The following CSMD1 variants were observed in gnomAD, a reference collection of about 807,000 sequenced individuals.
The protein encoded by CSMD1 is CUB and sushi domain-containing protein 1.
CSMD1 carries 213 observed loss-of-function variants against 417.5 expected under a neutral mutation model. The ratio of observed to expected loss-of-function variants is 0.51; its 90% CI spans 0.46 to 0.57. The LOEUF is 0.57. Among genes scored for constraint, CSMD1 ranks in the 20% least tolerant of loss-of-function variants. The pLI is 0.00. For missense variants in CSMD1, 6,923 were observed against 4,529.7 expected (o/e 1.53, Z -15.17); for synonymous variants, 2,862 against 1,736.8 (o/e 1.65, Z -16.11).
At chr8:4,084,692 C>A (rs543400653) in intron 3 of CSMD1, among the ~76,000 whole-genome samples, 2 of 152,060 alleles carry the variant, frequency 1.3e-5, no homozygotes, top group East Asian at 3.9e-4. Flanking sequence ...GCAATAGAGG[C>A]ATCAATTAGC....
At chr8:3,685,586 G>C (rs925669175) in intron 7 of CSMD1, among the ~76,000 whole-genome samples, 1 of 152,124 alleles carries the variant, frequency 6.6e-6, no homozygotes, top group Non-Finnish European at 1.5e-5. Context: ...GAAGCATCTG[G>C]CATCTCATTG....
intron 32 of CSMD1, among the ~76,000 whole-genome samples, chr8:3,201,130 A>C (rs750093329): frequency 6.6e-6 from 1 of 152,182 alleles, no homozygotes; most frequent in Non-Finnish European, 1.5e-5. Context: ...TCCATGTTTT[A>C]TGGGGGCTCA....
chr8:3,284,280 C>A lies in CSMD1; in HGVS notation c.4017G>T (p.Val1339=). The A allele has an allele frequency of 6.2e-7, 1 of 1,613,924 alleles. No homozygotes were observed. Among genetic ancestry groups the A allele is most frequent in the Non-Finnish European group, 8.5e-7 (1 of 1,179,876 alleles). The part of the protein sequence containing the change: ...HDILKVWDGP[V]DSDILLKEWS... ...ACTCCTTCAGCAGGATGTCACTGTC[C>A]ACCGGCCCGTCCCAGACCTTGAGGA... The change falls in exon 26 of 70, where the codon GTG becomes GTT. Residue 1339 remains valine (V), a synonymous_variant. Transcript: ENST00000635120.
chr8:3,764,874 G>A (rs998457839), intron 5 of CSMD1, among the ~76,000 whole-genome samples: 11 of 151,552 alleles, frequency 7.3e-5, no homozygotes, highest in Non-Finnish European at 1.5e-4. Context: ...AGCCTCCCAA[G>A]TAGTTGGGAT....
At chr8:3,796,093 C>T (rs376442581) in intron 5 of CSMD1, among the ~76,000 whole-genome samples, 3 of 21,886 alleles carry the variant, frequency 1.4e-4, no homozygotes, top group Non-Finnish European at 1.9e-4. Context: ...ATATATCTAT[C>T]ATAGATATAG....
intron 25 of CSMD1, among the ~76,000 whole-genome samples, chr8:3,297,517 T>C (rs1160881193): frequency 6.6e-6 from 1 of 152,148 alleles, no homozygotes; most frequent in Non-Finnish European, 1.5e-5. Flanking sequence ...TCTGCATAGA[T>C]CTAGTTGTCT....
chr8:4,131,295 C>A (rs927875552), intron 3 of CSMD1, among the ~76,000 whole-genome samples: 8 of 152,126 alleles, frequency 5.3e-5, no homozygotes, highest in African/African-American at 1.9e-4. Context: ...TGAATCTACA[C>A]AGAGCTTCCT....
At chr8:4,409,790 T>C (rs1796548189) in intron 3 of CSMD1, among the ~76,000 whole-genome samples, 1 of 152,094 alleles carries the variant, frequency 6.6e-6, no homozygotes, top group Non-Finnish European at 1.5e-5. Flanking sequence ...ATACATAATT[T>C]GGAAGAAATA....
intron 3 of CSMD1, among the ~76,000 whole-genome samples, chr8:4,213,318 C>G (rs530308281): frequency 4.6e-5 from 7 of 152,238 alleles, no homozygotes; most frequent in Non-Finnish European, 7.4e-5. Context: ...CCTCTCTGCT[C>G]CAGACATGCA....
intron 41 of CSMD1, among the ~76,000 whole-genome samples, chr8:3,119,288 C>T (rs1817049694): frequency 6.6e-6 from 1 of 150,404 alleles, no homozygotes; most frequent in South Asian, 2.1e-4. Flanking sequence ...AAATATACTA[C>T]CAGTCTGAGT....
chr8:3,615,784 T>G (rs1194923030), intron 8 of CSMD1, among the ~76,000 whole-genome samples: 1 of 152,170 alleles, frequency 6.6e-6, no homozygotes, highest in East Asian at 1.9e-4. Flanking sequence ...AATGGTGACA[T>G]TGTAAGAAGG....
chr8:3,148,603 A>G (rs371417787), intron 40 of CSMD1, among the ~76,000 whole-genome samples: 2 of 152,238 alleles, frequency 1.3e-5, no homozygotes, highest in Non-Finnish European at 2.9e-5. Context: ...GAAATTAAAG[A>G]AGGCCATGAA....
intron 6 of CSMD1, among the ~76,000 whole-genome samples, chr8:3,735,484 A>G (rs1796483826): frequency 6.6e-6 from 1 of 152,246 alleles, no homozygotes; most frequent in East Asian, 1.9e-4. Context: ...GTGTCAATAT[A>G]TTCATGTTTC....
chr8:4,797,182 C>A (rs978093571), intron 1 of CSMD1, among the ~76,000 whole-genome samples: 1 of 152,176 alleles, frequency 6.6e-6, no homozygotes, highest in Admixed American at 6.5e-5. Flanking sequence ...TCCAGGCAGG[C>A]AGCTGACTGA....
chr8:4,005,016 T>C (rs542296699), intron 4 of CSMD1, among the ~76,000 whole-genome samples: 5 of 152,320 alleles, frequency 3.3e-5, no homozygotes, highest in East Asian at 1.9e-4. Context: ...GTGACTCTTA[T>C]TCTAAGTGAA....
intron 3 of CSMD1, among the ~76,000 whole-genome samples, chr8:4,053,649 T>A (rs766035064): frequency 6.6e-6 from 1 of 152,144 alleles, no homozygotes; most frequent in Admixed American, 6.6e-5. Context: ...TAGAGTGTCA[T>A]ATACATAGAA....
intron 50 of CSMD1, among the ~76,000 whole-genome samples, chr8:3,041,072 T>G (rs1811060975): frequency 6.6e-6 from 1 of 152,216 alleles, no homozygotes; most frequent in Admixed American, 6.5e-5. Flanking sequence ...ATAATAATTT[T>G]CTTAACCAAC....
chr8:2,963,159 C>A, intron 60 of CSMD1, 63 bp downstream of exon 60: 1 of 1,562,062 alleles, frequency 6.4e-7, no homozygotes, highest in South Asian at 1.1e-5. Context: ...TAGGATGTGC[C>A]CTGGTTATCC....
intron 3 of CSMD1, among the ~76,000 whole-genome samples, chr8:4,247,501 T>G (rs558558558): frequency 6.6e-6 from 1 of 152,302 alleles, no homozygotes; most frequent in Admixed American, 6.5e-5. Context: ...ATGTTTTCTT[T>G]CGGTGTAGAA....
Sources: allele counts gnomAD v4.1 joint callset (sites outside exome capture counted in the v4.1 genomes callset), GRCh38; gene constraint gnomAD v4.1.1; transcripts MANE v1.5; gene names NCBI Gene and HGNC (gene_info 2026-07-23, HGNC 2026-07-21).